The following KLK10 variants were observed in gnomAD, a reference collection of about 807,000 sequenced individuals.
KLK10 encodes the protein kallikrein-10.
KLK10 carries 27 observed loss-of-function variants against 25.7 expected under a neutral mutation model. The ratio of observed to expected loss-of-function variants is 1.05; its 90% CI spans 0.77 to 1.45. KLK10 has a LOEUF of 1.45. KLK10 is among the 40% of genes most tolerant of loss of function. The pLI is 0.00. For missense variants in KLK10, 386 were observed against 370.0 expected (o/e 1.04, Z -0.35); for synonymous variants, 173 against 160.1 (o/e 1.08, Z -0.61).
At position 51,015,881 on chromosome 19, in the gene KLK10, C is replaced by T; in HGVS notation, c.544+1G>A. 6.5e-7 allele frequency: 1 copy of T among 1,538,112 alleles called. No individual in the cohort carries two copies. On this transcript the variant is annotated splice_donor_variant, in intron 4 of 5. Coordinates refer to ENST00000358789, the MANE Select transcript of KLK10 (RefSeq NM_145888.3). LOFTEE classifies it high-confidence loss of function. ...TCCGGCCTCAGAGCCCCAGCTCTTG[C>T]CTCTCCGGGCGGCCGTGGTGCCCCA...
At chr19:51,018,620 T>C (rs7255834) in intron 2 of KLK10, 17,587 of 173,998 alleles carry the variant, frequency 0.1, 1,142 homozygotes, top group East Asian at 0.25. Flanking sequence ...AGGAGAATGG[T>C]GTGAACCCGG....
chr19:51,018,835 G>C (rs1332946138), intron 2 of KLK10: 4 of 587,428 alleles, frequency 6.8e-6, no homozygotes, highest in African/African-American at 3.8e-5. Context: ...GGCAGAAATC[G>C]GACAGGGCCT....
chr19:51,018,245 GAGAA>G (rs1462745541), intron 2 of KLK10, among the ~76,000 whole-genome samples: 2 of 134,500 alleles, frequency 1.5e-5, no homozygotes, highest in Non-Finnish European at 3.2e-5. Flanking sequence ...AAAAATAAGA[GAGAA>G]AGTAAAACAA....
At position 51,014,787 on chromosome 19, in the gene KLK10, C is replaced by G. The variant is rs755048954; in HGVS notation, c.*13G>C. 4.4e-6 allele frequency: 7 copies of G among 1,574,730 alleles called. No homozygotes were observed. Among genetic ancestry groups the G allele is most frequent in the Non-Finnish European group, 6.1e-6 (7 of 1,151,674 alleles). On this transcript the variant is annotated 3_prime_UTR_variant, in exon 6 of 6. Transcript: ENST00000358789. ...AGCATAACATCTGGATCAGCTGGAG[C>G]GTAGCATCTGGATCAGTTGGAGCGT...
Position 51,017,251 on chromosome 19 carries a change from A to G in KLK10, c.128T>C (p.Leu43Ser), listed in dbSNP as rs1329077828. ...CGGGGAGCCATAGGCTTCGGGGTCC[A>G]AGCGCGTGTCGTTTTGGGGGAGCAG... ...AALLPQNDTR[L>S]DPEAYGSPCA... Residue 43 changes from leucine to serine, a missense_variant, in exon 3 of 6, where the codon TTG (leucine) becomes TCG (serine). Transcript: ENST00000358789. The G allele has an allele frequency of 1.9e-6, 3 of 1,610,954 alleles. No homozygotes were observed. Among genetic ancestry groups the G allele is most frequent in the Non-Finnish European group, 8.5e-7 (1 of 1,178,854 alleles).
rs1250539307 is a variant in KLK10, at chr19:51,015,981, G to C, written c.445C>G (p.Leu149Val). 6.4e-7 allele frequency: 1 copy of C among 1,572,782 alleles called. No homozygotes were observed. Among genetic ancestry groups the C allele is most frequent in the East Asian group, 2.3e-5 (1 of 43,132 alleles). ...TGCAGGGCCCGGACGCGGGGCCCCA[G>C]CACTACGGGCCTGGCCAGCTTCAGC... ...MLLKLARPVV[L>V]GPRVRALQLP... is the part of the protein sequence containing the mutation. The change falls in exon 4 of 6, where the codon CTG (leucine) becomes GTG (valine). Residue 149 changes from leucine (L) to valine (V), a missense_variant. By Grantham distance (32) the Leu-to-Val change is conservative. Transcript: ENST00000358789.
Position 51,014,958 on chromosome 19 carries a change from G to C in KLK10, c.679-6C>G. ...AGGGGGCCTCCAGAGTCACTCTGGG[G>C]GTGGCAGGAAGGAGAGATCAAATAA... On this transcript the variant is annotated splice_region_variant and splice_polypyrimidine_tract_variant and intron_variant, in intron 5 of 5. Transcript: ENST00000358789. The C allele has an allele frequency of 6.2e-7, 1 of 1,612,258 alleles. No individual in the cohort carries two copies. The highest frequency in any genetic ancestry group is 8.5e-7 in the Non-Finnish European group (1 of 1,179,398).
At position 51,016,092 on chromosome 19, in the gene KLK10, T is replaced by C; in HGVS notation, c.334A>G (p.Thr112Ala). 6.3e-7 allele frequency: 1 copy of C among 1,578,442 alleles called. No homozygotes were observed. Residue 112 changes from threonine to alanine, a missense_variant, in exon 4 of 6, where the codon ACC becomes GCC. Physicochemically the swap from Thr to Ala is moderately conservative, Grantham distance 58. Transcript: ENST00000358789. ...TTGGGATGGACAACAGAGCGAGTGG[T>C]CCGGCGGAGCTGCTCTCCCTGAAGA... Reference protein sequence around the residue: ...LLLQGEQLRRTTRSVVHPKYH... With the variant: ...LLLQGEQLRRATRSVVHPKYH...
At chr19:51,016,847 C>T (rs1425346398) in intron 3 of KLK10, among the ~76,000 whole-genome samples, 3 of 152,152 alleles carry the variant, frequency 2.0e-5, no homozygotes, top group Non-Finnish European at 4.4e-5. Flanking sequence ...CGGACCCTGG[C>T]TTCTATCCGT....
chr19:51,016,875 TC>T (rs2091334906), intron 3 of KLK10, among the ~76,000 whole-genome samples: 6 of 151,896 alleles, frequency 4.0e-5, no homozygotes. Context: ...AACCACCTCC[TC>T]CTAGAGCTCA....
At chr19:51,018,044 T>C (rs1735106181) in intron 2 of KLK10, among the ~76,000 whole-genome samples, 2 of 120,588 alleles carry the variant, frequency 1.7e-5, no homozygotes, top group Non-Finnish European at 3.3e-5. Context: ...TGGTGGTGCA[T>C]GCCTGTGGTA....
rs568855711 is a variant in KLK10, at chr19:51,016,066, C to T, written c.360G>A (p.Lys120=). Residue 120 remains lysine, a synonymous_variant, in exon 4 of 6, where the codon AAG becomes AAA. Transcript: ENST00000358789. ...RRTTRSVVHP[K]YHQGSGPILP... ...GGATGGGGCCTGAGCCCTGGTGGTA[C>T]TTGGGATGGACAACAGAGCGAGTGG... is the stretch of plus-strand genomic sequence containing the variant. 23 of 1,571,394 alleles carry T rather than the reference C, an allele frequency of 1.5e-5. No individual in the cohort carries two copies. In the South Asian group the frequency reaches 2.7e-4, roughly 18 times the overall value.
intron 5 of KLK10, among the ~76,000 whole-genome samples, 168 bp from the exon 6 acceptor site, chr19:51,015,120 C>T (rs552957399): frequency 2.0e-5 from 3 of 151,576 alleles, no homozygotes; most frequent in East Asian, 1.9e-4. Context: ...AGGTGGACTT[C>T]AGGTTATGGG....
At chr19:51,015,593 A>T (rs200642382) in intron 4 of KLK10, 43 bp from the exon 5 acceptor site, 12 of 1,599,146 alleles carry the variant, frequency 7.5e-6, no homozygotes, top group South Asian at 5.5e-5. Context: ...CCAGCCCCCA[A>T]TCCTTGGGGA....
rs1436939052 is a variant in KLK10 at position 51,019,358 on chromosome 19, C to T, written c.-9-219G>A. ...GCCCCTCGCGGCATCTTCCCGTCCT[C>T]CCTGTGCCCGAGTGGAGCGCTCTCC... On this transcript the variant is annotated intron_variant, in intron 1 of 5. Transcript: ENST00000358789. This position sits in a 1 kb window ranked among gnomAD's most constrained non-coding sequence, Gnocchi z 4.2. Among the ~76,000 whole-genome samples, 2 of 152,196 alleles carry T rather than the reference C, an allele frequency of 1.3e-5. No homozygotes were observed. The highest frequency in any genetic ancestry group is 2.9e-5 in the Non-Finnish European group (2 of 68,040).
intron 3 of KLK10, among the ~76,000 whole-genome samples, chr19:51,016,517 C>G (rs1360473546): frequency 6.6e-6 from 1 of 151,272 alleles, no homozygotes; most frequent in Non-Finnish European, 1.5e-5. Flanking sequence ...CCTCAGCCTC[C>G]TTCCTGAGTA....
Position 51,017,174 on chromosome 19 carries a change from A to G in KLK10, c.205T>C (p.Phe69Leu). The change falls in exon 3 of 6, where the codon TTC (phenylalanine) becomes CTC (leucine). Residue 69 changes from phenylalanine to leucine, a missense_variant. Coordinates refer to ENST00000358789, the MANE Select transcript of KLK10 (RefSeq NM_145888.3). ...TCCACCAGGACACCCGCGCAGTGGA[A>G]CGAGAGGCCGTTGAAGAGCGAGACC... ...WQVSLFNGLSFHCAGVLVDQS... is the reference protein window; with the variant it reads ...WQVSLFNGLSLHCAGVLVDQS... 1 of 1,612,084 alleles carries G rather than the reference A, an allele frequency of 6.2e-7. No homozygotes were observed. Among genetic ancestry groups the G allele is most frequent in the African/African-American group, 1.3e-5 (1 of 75,018 alleles).
At chr19:51,018,079 C>T (rs369998930) in intron 2 of KLK10, among the ~76,000 whole-genome samples, 1 of 124,150 alleles carries the variant, frequency 8.1e-6, no homozygotes, top group African/African-American at 3.2e-5. Context: ...GGCTGAGTAT[C>T]GCTTGAGCCC....
chr19:51,019,029 GC>G lies in KLK10; in HGVS notation c.88+13del. On this transcript the variant is annotated intron_variant, in intron 2 of 5. Coordinates refer to ENST00000358789, the MANE Select transcript of KLK10 (RefSeq NM_145888.3). This position sits in a 1 kb window ranked among gnomAD's most constrained non-coding sequence, Gnocchi z 4.2. ...CCACCGGCGCCTCTCCCCGCCCCCT[GC>G]CCCCGACCTTACCCCAGAGTTGCGC... 6.3e-7 allele frequency: 1 copy of G among 1,578,976 alleles called. No homozygotes were observed.
Sources: gnomAD v4.1 joint callset for allele counts (sites outside exome capture counted in the v4.1 genomes callset) on GRCh38, gnomAD v4.1.1 for gene constraint, Gnocchi (gnomAD v3.1) non-coding constraint, MANE v1.5 for transcripts, NCBI Gene and HGNC (gene_info 2026-07-23, HGNC 2026-07-21) for gene names.